Variants in SMPD3 observed in about 807,000 individuals in gnomAD.
SMPD3 encodes sphingomyelin phosphodiesterase 3, also known as nSMase-2.
A neutral mutation model predicts 55.7 loss-of-function variants in SMPD3; 21 were observed. That is an observed-to-expected ratio of 0.38 (90% confidence interval 0.27 to 0.54). The LOEUF (loss-of-function observed/expected upper bound fraction) is 0.54. SMPD3 is among the 20% of genes least tolerant of loss of function. SMPD3 has a pLI of 0.80. For synonymous variants in SMPD3, 457 were observed against 404.3 expected (o/e 1.13, Z -1.56); for missense variants, 842 against 899.6 (o/e 0.94, Z 0.82).
intron 1 of SMPD3, among the ~76,000 whole-genome samples, chr16:68,426,263 G>A (rs1476723458): frequency 6.6e-6 from 1 of 152,156 alleles, no homozygotes; most frequent in Non-Finnish European, 1.5e-5. Context: ...GTCAGACACA[G>A]GTGTACCCAC....
intron 1 of SMPD3, among the ~76,000 whole-genome samples, chr16:68,441,001 CA>C (rs1393412916): frequency 6.6e-6 from 1 of 152,236 alleles, no homozygotes; most frequent in Non-Finnish European, 1.5e-5. Context: ...ATAGGGGCCG[CA>C]TACTTAGCAA....
chr16:68,394,941 G>A (rs34006916), intron 1 of SMPD3, among the ~76,000 whole-genome samples: 6,740 of 152,242 alleles, frequency 0.044, 185 homozygotes, highest in Middle Eastern at 0.13. Context: ...ATTGATTTTT[G>A]TTGGTGGTGT....
At chr16:68,365,354 C>A (rs1245314892) in intron 3 of SMPD3, among the ~76,000 whole-genome samples, 2 of 152,118 alleles carry the variant, frequency 1.3e-5, no homozygotes, top group Non-Finnish European at 2.9e-5. Context: ...GGGGGAAGTG[C>A]CGAACCGCAG....
Position 68,359,210 on chromosome 16 carries a change from T to G in SMPD3, c.*1996A>C, listed in dbSNP as rs1401953175. ...CGGCAGGCGGCTCGGGGTCTAGGGG[T>G]CCAGGGCCGGCCGGCCCAGTCGCTT... is the stretch of plus-strand genomic sequence containing the variant. On this transcript the variant is annotated 3_prime_UTR_variant, in exon 9 of 9. Coordinates refer to ENST00000219334, the MANE Select transcript of SMPD3 (RefSeq NM_018667.4). The G allele has an allele frequency of 1.3e-5, 2 of 152,222 alleles. No homozygotes were observed. Among genetic ancestry groups the G allele is most frequent in the Non-Finnish European group, 2.9e-5 (2 of 68,138 alleles). 9.4% of individuals were successfully genotyped at this position (152,222 alleles called of 1,614,324 possible).
intron 1 of SMPD3, among the ~76,000 whole-genome samples, chr16:68,442,896 C>G (rs1237716056): frequency 6.6e-6 from 1 of 152,196 alleles, no homozygotes; most frequent in African/African-American, 2.4e-5. Flanking sequence ...CAGTAGCAGC[C>G]TTTGCTCCTT....
chr16:68,396,404 G>A (rs1022852150), intron 1 of SMPD3, among the ~76,000 whole-genome samples: 8 of 152,064 alleles, frequency 5.3e-5, no homozygotes, highest in Admixed American at 1.3e-4. Context: ...TGATGGCCCC[G>A]ACCTCTAGCT....
chr16:68,441,448 CA>C (rs1419046915), intron 1 of SMPD3, among the ~76,000 whole-genome samples: 1 of 152,042 alleles, frequency 6.6e-6, no homozygotes, highest in African/African-American at 2.4e-5. Context: ...GCCACATATA[CA>C]ATATAAATTT....
chr16:68,369,454 AG>A (rs1333506359), intron 3 of SMPD3: 1 of 35,268 alleles, frequency 2.8e-5, no homozygotes, highest in African/African-American at 1.1e-4. Context: ...GGGCTGGGGT[AG>A]GGGGCGGGGG....
At position 68,395,837 on chromosome 16, in the gene SMPD3, T is replaced by TA. The variant is rs1372438003; in HGVS notation, c.-268-9179dup. 2.0e-5 allele frequency among the ~76,000 whole-genome samples: 3 copies of TA among 152,310 alleles called. No homozygotes were observed. The East Asian group carries it at 5.8e-4, about 29-fold the overall frequency. On this transcript the variant is annotated intron_variant, in intron 1 of 8. Coordinates refer to ENST00000219334, the MANE Select transcript of SMPD3 (RefSeq NM_018667.4). ...ATTTCACTTACTCTTTTTTTTAAATTAAAAATGAGGAATATATCAAACAAT... is the reference window on the plus strand; with the variant it reads ...ATTTCACTTACTCTTTTTTTTAAATTAAAAAATGAGGAATATATCAAACAAT...
intron 2 of SMPD3, among the ~76,000 whole-genome samples, chr16:68,378,357 G>T (rs1386834691): frequency 6.6e-6 from 1 of 152,150 alleles, no homozygotes; most frequent in African/African-American, 2.4e-5. Flanking sequence ...AGACAGAAGC[G>T]GATGCCTTTC....
Position 68,363,808 on chromosome 16 carries a change from C to A in SMPD3, c.1614G>T (p.Leu538=). The A allele has an allele frequency of 6.4e-7, 1 of 1,571,132 alleles. No homozygotes were observed. Among genetic ancestry groups the A allele is most frequent in the Non-Finnish European group, 8.6e-7 (1 of 1,157,952 alleles). ...CCCACGGCTTCTCCTCACCAGGCCC[C>A]AGGCGGCAGGGGTCCCTGTAGTGGG... ...LFTHYRDPCR[L]GPGEEKPWAI... is the part of the protein sequence containing the mutation. The change falls in exon 6 of 9, where the codon CTG becomes CTT. Residue 538 remains leucine (L), a synonymous_variant. Coordinates refer to ENST00000219334, the MANE Select transcript of SMPD3 (RefSeq NM_018667.4).
Position 68,359,236 on chromosome 16 carries a change from G to T in SMPD3, c.*1970C>A, listed in dbSNP as rs1217546165. The T allele has an allele frequency of 6.6e-6, 1 of 152,540 alleles. No homozygotes were observed. The highest frequency in any genetic ancestry group is 2.4e-5 in the African/African-American group (1 of 41,474). 9.4% of individuals were successfully genotyped at this position (152,540 alleles called of 1,614,324 possible). On this transcript the variant is annotated 3_prime_UTR_variant, in exon 9 of 9. Coordinates refer to ENST00000219334, the MANE Select transcript of SMPD3 (RefSeq NM_018667.4). ...CCAGGGCCGGCCGGCCCAGTCGCTT[G>T]TGTGAGCAGAGTACCAGCTGCTTCT...
chr16:68,434,146 T>C (rs1220607101), intron 1 of SMPD3, among the ~76,000 whole-genome samples: 1 of 152,228 alleles, frequency 6.6e-6, no homozygotes, highest in Admixed American at 6.5e-5. Flanking sequence ...TCATTCAGAC[T>C]GGTACAAAGT....
chr16:68,405,244 C>T (rs1425685980), intron 1 of SMPD3, among the ~76,000 whole-genome samples: 5 of 152,054 alleles, frequency 3.3e-5, no homozygotes, highest in Non-Finnish European at 7.4e-5. Flanking sequence ...GATTCCTTGG[C>T]AGGTTTCATT....
chr16:68,405,262 A>G (rs1431428569), intron 1 of SMPD3, among the ~76,000 whole-genome samples: 1 of 152,036 alleles, frequency 6.6e-6, no homozygotes, highest in Non-Finnish European at 1.5e-5. Context: ...ATTAAGAGAG[A>G]TGCACAGGCC....
intron 1 of SMPD3, among the ~76,000 whole-genome samples, chr16:68,425,280 C>T (rs552387222): frequency 5.9e-5 from 9 of 152,252 alleles, no homozygotes; most frequent in East Asian, 1.9e-4. Context: ...GGAGGTGCAC[C>T]GAAGTCAAGG....
intron 1 of SMPD3, among the ~76,000 whole-genome samples, chr16:68,435,200 G>C (rs2090513023): frequency 6.6e-6 from 1 of 152,216 alleles, no homozygotes; most frequent in African/African-American, 2.4e-5. Flanking sequence ...AGGGCTGAGG[G>C]ACCAGAGTGA....
In SMPD3 at chr16:68,371,713, T is replaced by C; in HGVS notation, c.469A>G (p.Arg157Gly). 6.3e-7 allele frequency: 1 copy of C among 1,588,820 alleles called. No individual in the cohort carries two copies. The highest frequency in any genetic ancestry group is 8.6e-7 in the Non-Finnish European group (1 of 1,166,170). ...GGCCGGGCGGCCCCATTGCGGATTC[T>C]CTGCCCGATCTCCTTGGCCCGCGCT... ...TQARAKEIGQ[R>G]IRNGAARPQI... The change falls in exon 3 of 9, where the codon AGA (arginine) becomes GGA (glycine). Residue 157 changes from arginine (R) to glycine (G), a missense_variant. Physicochemically the swap from Arg to Gly is moderately radical, Grantham distance 125. Transcript: ENST00000219334.
At chr16:68,391,505 T>C (rs1333530192) in intron 1 of SMPD3, among the ~76,000 whole-genome samples, 1 of 152,220 alleles carries the variant, frequency 6.6e-6, no homozygotes, top group Non-Finnish European at 1.5e-5. Context: ...GAGCATTGGG[T>C]TTCTACTACT....
Sources: allele counts gnomAD v4.1 joint callset (sites outside exome capture counted in the v4.1 genomes callset), GRCh38; gene constraint gnomAD v4.1.1; transcripts MANE v1.5; gene names NCBI Gene and HGNC (gene_info 2026-07-23, HGNC 2026-07-21).